PPM1L: variants seen among roughly 807,000 people sequenced by gnomAD.
PPM1L encodes protein phosphatase 1L.
A neutral mutation model predicts 31.4 loss-of-function variants in PPM1L; 13 were observed. The ratio of observed to expected loss-of-function variants is 0.41; its 90% confidence interval spans 0.27 to 0.66. The LOEUF (loss-of-function observed/expected upper bound fraction) is 0.66. PPM1L is among the 30% of genes least tolerant of loss of function. PPM1L has a pLI of 0.29. For synonymous variants in PPM1L, 184 were observed against 175.4 expected (o/e 1.05, Z -0.39); for missense variants, 326 against 453.7 (o/e 0.72, Z 2.56).
At chr3:160,974,427 G>C (rs1461663781) in intron 2 of PPM1L, among the ~76,000 whole-genome samples, 2 of 151,756 alleles carry the variant, frequency 1.3e-5, no homozygotes, top group Non-Finnish European at 2.9e-5. Flanking sequence ...TCTAGTTCTA[G>C]ATCCCTGAGG....
intron 1 of PPM1L, among the ~76,000 whole-genome samples, chr3:160,784,419 C>T (rs556936948): frequency 2.0e-5 from 3 of 152,110 alleles, no homozygotes; most frequent in African/African-American, 7.2e-5. Flanking sequence ...AATAGTTAAT[C>T]AGGAATAAGA....
chr3:160,889,171 A>G (rs1178809859), intron 1 of PPM1L, among the ~76,000 whole-genome samples: 1 of 152,222 alleles, frequency 6.6e-6, no homozygotes, highest in Admixed American at 6.5e-5. Flanking sequence ...GTTGAAGTAG[A>G]TAGAGACATG....
At chr3:160,980,954 C>A (rs1716777683) in intron 2 of PPM1L, among the ~76,000 whole-genome samples, 1 of 152,032 alleles carries the variant, frequency 6.6e-6, no homozygotes, top group Admixed American at 6.6e-5. Context: ...GGGGTATTTC[C>A]CCAATCCCCT....
intron 1 of PPM1L, among the ~76,000 whole-genome samples, chr3:160,829,069 G>A (rs1713438461): frequency 1.3e-5 from 2 of 151,846 alleles, no homozygotes; most frequent in African/African-American, 4.8e-5. Flanking sequence ...TGTCGTCATT[G>A]GCACAAGGAA....
chr3:160,855,723 G>A (rs991561731), intron 1 of PPM1L, among the ~76,000 whole-genome samples: 3 of 152,164 alleles, frequency 2.0e-5, no homozygotes, highest in Admixed American at 6.5e-5. Context: ...AGATGCTGGC[G>A]AGGTTGTGGA....
At chr3:160,967,227 C>T (rs755466351) in intron 2 of PPM1L, among the ~76,000 whole-genome samples, 16 of 152,000 alleles carry the variant, frequency 1.1e-4, no homozygotes, top group Non-Finnish European at 1.2e-4. Flanking sequence ...TGTGAGGCCT[C>T]CTCAGCCATG....
At chr3:160,855,853 T>G (rs191095836) in intron 1 of PPM1L, among the ~76,000 whole-genome samples, 78 of 152,198 alleles carry the variant, frequency 5.1e-4, no homozygotes, top group Admixed American at 1.4e-3. Context: ...AGCAATTCCA[T>G]TATTAGGTTG....
chr3:160,982,917 T>C (rs1293319430), intron 2 of PPM1L, among the ~76,000 whole-genome samples: 1 of 152,196 alleles, frequency 6.6e-6, no homozygotes, highest in Non-Finnish European at 1.5e-5. Flanking sequence ...TGTGGCTAGA[T>C]TTTTTAAAAA....
chr3:160,760,709 TG>T (rs201899458), intron 1 of PPM1L, among the ~76,000 whole-genome samples: 2 of 151,690 alleles, frequency 1.3e-5, no homozygotes, highest in African/African-American at 4.9e-5. Context: ...AGGCAAAAGG[TG>T]GTTTTTTTTT....
chr3:161,042,576 TG>T (rs1191706967), intron 2 of PPM1L, among the ~76,000 whole-genome samples: 2 of 152,212 alleles, frequency 1.3e-5, no homozygotes. Flanking sequence ...GTGCTGTCTA[TG>T]GGCCTAGACC....
chr3:160,923,746 T>G (rs1221471779), intron 1 of PPM1L, among the ~76,000 whole-genome samples: 1 of 152,208 alleles, frequency 6.6e-6, no homozygotes, highest in Admixed American at 6.5e-5. Context: ...TGCTACTGCA[T>G]TTGATATGCC....
chr3:160,925,351 G>A (rs916394832), intron 1 of PPM1L, among the ~76,000 whole-genome samples: 2 of 152,112 alleles, frequency 1.3e-5, no homozygotes, highest in African/African-American at 4.8e-5. Flanking sequence ...ATTTAGCATG[G>A]TATGTTACAG....
At chr3:161,015,762 G>A (rs998090487) in intron 2 of PPM1L, among the ~76,000 whole-genome samples, 1 of 152,218 alleles carries the variant, frequency 6.6e-6, no homozygotes, top group African/African-American at 2.4e-5. Context: ...CCTGCTCAGT[G>A]TGTGTGCAGG....
intron 2 of PPM1L, among the ~76,000 whole-genome samples, chr3:161,018,779 C>A (rs555602965): frequency 6.6e-6 from 1 of 152,280 alleles, no homozygotes; most frequent in South Asian, 2.1e-4. Flanking sequence ...AAGCTGATGA[C>A]AAGAATCGAA....
intron 1 of PPM1L, among the ~76,000 whole-genome samples, chr3:160,866,039 G>A (rs2108025576): frequency 6.6e-6 from 1 of 152,284 alleles, no homozygotes; most frequent in East Asian, 1.9e-4. Context: ...TAACCAAGTT[G>A]ACAACTGACC....
At chr3:160,928,219 A>G (rs1714665902) in intron 1 of PPM1L, among the ~76,000 whole-genome samples, 1 of 152,144 alleles carries the variant, frequency 6.6e-6, no homozygotes, top group African/African-American at 2.4e-5. Context: ...CTTCTAAAGT[A>G]TGGATAAAAT....
chr3:160,756,247 C>G lies in PPM1L; in HGVS notation c.-62C>G, dbSNP rs1027874558. The G allele has an allele frequency of 5.8e-6, 9 of 1,552,116 alleles. No homozygotes were observed. The East Asian group carries it at 1.8e-4, about 31-fold the overall frequency. ...CGGCGGGCTGTCCCCGCAGTGCTCC[C>G]GGACCCGGCGAGCCTTCGGGGCGCG... On this transcript the variant is annotated 5_prime_UTR_variant, in exon 1 of 4. Coordinates refer to ENST00000498165, the MANE Select transcript of PPM1L (RefSeq NM_139245.4). The surrounding 1 kb of genome is among the most constrained non-coding windows in gnomAD (Gnocchi z 6.2).
chr3:160,852,731 T>G (rs1026069010), intron 1 of PPM1L, among the ~76,000 whole-genome samples: 1 of 152,212 alleles, frequency 6.6e-6, no homozygotes, highest in Non-Finnish European at 1.5e-5. Context: ...ACTTTTCCAA[T>G]TGTATTCTGT....
chr3:160,989,656 C>T (rs2108042290), intron 2 of PPM1L, among the ~76,000 whole-genome samples: 1 of 152,124 alleles, frequency 6.6e-6, no homozygotes, highest in South Asian at 2.1e-4. Flanking sequence ...GCCACCACGC[C>T]CAGCCTATTT....
Sources: gnomAD v4.1 joint callset for allele counts (sites outside exome capture counted in the v4.1 genomes callset) on GRCh38, gnomAD v4.1.1 for gene constraint, Gnocchi (gnomAD v3.1) non-coding constraint, MANE v1.5 for transcripts, NCBI Gene and HGNC (gene_info 2026-07-23, HGNC 2026-07-21) for gene names.